Variants in ZNF652 observed in about 807,000 individuals in gnomAD.
ZNF652 encodes the protein zinc finger protein 652.
Under a neutral mutation model 45.2 loss-of-function variants are expected in ZNF652, and 16 were observed. That is an observed-to-expected ratio of 0.35 (90% CI 0.24 to 0.54). ZNF652 has a LOEUF of 0.54. ZNF652 is among the 20% of genes least tolerant of loss of function. ZNF652 has a pLI of 0.91. For synonymous variants in ZNF652, 250 were observed against 260.6 expected (o/e 0.96, Z 0.39); for missense variants, 614 against 765.6 (o/e 0.80, Z 2.34).
intron 1 of ZNF652, among the ~76,000 whole-genome samples, chr17:49,339,197 A>ATTTTTTT (rs34574898): frequency 4.2e-5 from 5 of 119,532 alleles, no homozygotes; most frequent in African/African-American, 6.5e-5. Flanking sequence ...GAGTTAGGAA[A>ATTTTTTT]TTTTTTTTTT....
At chr17:49,348,687 T>C (rs1199294178) in intron 1 of ZNF652, among the ~76,000 whole-genome samples, 2 of 152,124 alleles carry the variant, frequency 1.3e-5, no homozygotes, top group African/African-American at 4.8e-5. Context: ...ACTGACTGAA[T>C]ACTTAATGAT....
At chr17:49,326,977 C>T (rs1405823457) in intron 1 of ZNF652, among the ~76,000 whole-genome samples, 1 of 152,024 alleles carries the variant, frequency 6.6e-6, no homozygotes, top group Non-Finnish European at 1.5e-5. Context: ...TATTGTCAGT[C>T]CATAAATTTT....
intron 5 of ZNF652, among the ~76,000 whole-genome samples, chr17:49,308,928 C>T (rs1278565986): frequency 6.6e-6 from 1 of 151,522 alleles, no homozygotes; most frequent in East Asian, 1.9e-4. Flanking sequence ...TATACAATAA[C>T]TAAAATAATC....
chr17:49,337,054 T>A (rs576733908), intron 1 of ZNF652, among the ~76,000 whole-genome samples: 14 of 147,926 alleles, frequency 9.5e-5, no homozygotes, highest in African/African-American at 3.5e-4. Context: ...AAATTAAAGG[T>A]GATCAGGCAT....
At chr17:49,356,649 C>T (rs972243201) in intron 1 of ZNF652, among the ~76,000 whole-genome samples, 1 of 148,580 alleles carries the variant, frequency 6.7e-6, no homozygotes, top group African/African-American at 2.5e-5. Context: ...AGTCAAAGAC[C>T]ACCATATTTC....
At position 49,292,225 on chromosome 17, in the gene ZNF652, T is replaced by C. The variant is rs80150712; in HGVS notation, c.*6188A>G. Among the ~76,000 whole-genome samples the C allele has an allele frequency of 6.6e-6, 1 of 152,106 alleles. No individual in the cohort carries two copies. Among genetic ancestry groups the C allele is most frequent in the Non-Finnish European group, 1.5e-5 (1 of 68,016 alleles). On this transcript the variant is annotated 3_prime_UTR_variant, in exon 6 of 6. Transcript: ENST00000430262. ...CATTTGAAAGAGTTCTTTTTTTTTT[T>C]CCTTTTTCTCCAGTTTTGGAGGAGA...
At chr17:49,352,858 TGACTAA>T (rs2070296605) in intron 1 of ZNF652, among the ~76,000 whole-genome samples, 1 of 152,132 alleles carries the variant, frequency 6.6e-6, no homozygotes, top group Non-Finnish European at 1.5e-5. Flanking sequence ...AGCATTACTA[TGACTAA>T]AAGAAGCCAG....
intron 1 of ZNF652, among the ~76,000 whole-genome samples, chr17:49,342,907 ACT>A: frequency 6.7e-6 from 1 of 148,868 alleles, no homozygotes; most frequent in East Asian, 2.0e-4. Context: ...TTTTTGGCAG[ACT>A]CTTGCTCTGT....
chr17:49,333,761 C>T lies in ZNF652; in HGVS notation c.-258-15778G>A, dbSNP rs533346676. Among the ~76,000 whole-genome samples, 24 of 150,234 alleles carry T rather than the reference C, an allele frequency of 1.6e-4. No homozygotes were observed. The Middle Eastern group carries it at 0.018, about 110-fold the overall frequency. ...AAAAAAAAGAAGATATACAAATGGCCAATGCGTAAAGGAAAAGATGCTTAA... is the reference window on the plus strand; with the variant it reads ...AAAAAAAAGAAGATATACAAATGGCTAATGCGTAAAGGAAAAGATGCTTAA... On this transcript the variant is annotated intron_variant, in intron 1 of 5. Coordinates refer to ENST00000430262, the MANE Select transcript of ZNF652 (RefSeq NM_001145365.3).
In ZNF652 at chr17:49,317,835, G is replaced by A; in HGVS notation, c.-110C>T. 5 of 1,169,588 alleles carry A rather than the reference G, an allele frequency of 4.3e-6. No homozygotes were observed. Among genetic ancestry groups the A allele is most frequent in the African/African-American group, 1.6e-5 (1 of 64,504 alleles). 72.5% of individuals were successfully genotyped at this position (1,169,588 alleles called of 1,614,324 possible). The stretch of plus-strand genomic sequence containing the variant: ...CTCATCCACAAAGAATCACTCAAAT[G>A]AAAAAAAGATATTCCTGGAAACTGT... On this transcript the variant is annotated 5_prime_UTR_variant, in exon 2 of 6. Coordinates refer to ENST00000430262, the MANE Select transcript of ZNF652 (RefSeq NM_001145365.3).
Position 49,348,499 on chromosome 17 carries a change from G to GAAAAGAAAAGAAAAGAA in ZNF652, c.-259+13393_-259+13409dup, listed in dbSNP as rs1555552479. On this transcript the variant is annotated intron_variant, in intron 1 of 5. Transcript: ENST00000430262. ...CCTCAAAAAAGAAAAGAAAAGAAAA[G>GAAAAGAAAAGAAAAGAA]AAAAGAAAAGAAAAGAAAAGAAAAG... Among the ~76,000 whole-genome samples the GAAAAGAAAAGAAAAGAA allele has an allele frequency of 4.2e-4, 50 of 120,164 alleles. 1 individual carries two copies. The highest frequency in any genetic ancestry group is 3.6e-4 in the Non-Finnish European group (19 of 52,966). 78.8% of individuals were successfully genotyped at this position (120,164 alleles called of 152,430 possible).
At chr17:49,354,726 TTTTC>T (rs1370909060) in intron 1 of ZNF652, among the ~76,000 whole-genome samples, 3 of 152,086 alleles carry the variant, frequency 2.0e-5, no homozygotes, top group African/African-American at 7.2e-5. Flanking sequence ...GCTTATTTCT[TTTTC>T]TTTTTCTTTT....
chr17:49,304,893 TATAC>T (rs2069607147), intron 5 of ZNF652, among the ~76,000 whole-genome samples: 5 of 150,252 alleles, frequency 3.3e-5, no homozygotes, highest in Admixed American at 2.0e-4. Context: ...TATATATATA[TATAC>T]ACACACACAT....
intron 1 of ZNF652, among the ~76,000 whole-genome samples, chr17:49,346,583 G>A (rs922270985): frequency 2.2e-4 from 34 of 152,158 alleles, no homozygotes; most frequent in Middle Eastern, 3.4e-3. Context: ...TTCCTATAGG[G>A]CCACATGTTT....
intron 5 of ZNF652, among the ~76,000 whole-genome samples, chr17:49,310,487 A>G (rs2069694366): frequency 2.0e-5 from 3 of 152,224 alleles, no homozygotes; most frequent in African/African-American, 7.2e-5. Context: ...ACTCAAATCC[A>G]TGCTATGGAA....
At position 49,304,481 on chromosome 17, in the gene ZNF652, A is replaced by T. The variant is rs552381955; in HGVS notation, c.1310-5557T>A. On this transcript the variant is annotated intron_variant, in intron 5 of 5. Coordinates refer to ENST00000430262, the MANE Select transcript of ZNF652 (RefSeq NM_001145365.3). The stretch of plus-strand genomic sequence containing the variant: ...GTTTCTCTGAAACCTCAAGTTTAAG[A>T]TTACAATGAGGGTGAAACAAGGATA... Among the ~76,000 whole-genome samples the T allele has an allele frequency of 7.2e-5, 11 of 152,234 alleles. No individual in the cohort carries two copies. In the East Asian group the frequency reaches 2.1e-3, roughly 29 times the overall value.
chr17:49,312,898 C>T, intron 2 of ZNF652, 53 bp from the exon 3 acceptor site: 1 of 1,566,242 alleles, frequency 6.4e-7, no homozygotes, highest in East Asian at 2.3e-5. Context: ...CATGCCATAC[C>T]AGCCTACTGG....
chr17:49,324,512 TC>T (rs1431142251), intron 1 of ZNF652, among the ~76,000 whole-genome samples: 3 of 151,590 alleles, frequency 2.0e-5, no homozygotes, highest in Admixed American at 2.0e-4. Flanking sequence ...TGCCTCAGCC[TC>T]CCAAGTAGCT....
intron 1 of ZNF652, among the ~76,000 whole-genome samples, chr17:49,328,928 A>G (rs2069994777): frequency 2.0e-5 from 3 of 152,236 alleles, no homozygotes; most frequent in Admixed American, 2.0e-4. Context: ...CTCCTAGTCC[A>G]AGTTTACCAC....
Sources: allele counts gnomAD v4.1 joint callset (sites outside exome capture counted in the v4.1 genomes callset), GRCh38; gene constraint gnomAD v4.1.1; transcripts MANE v1.5; gene names NCBI Gene and HGNC (gene_info 2026-07-23, HGNC 2026-07-21).